The following INSL3 variants were observed in gnomAD, a reference collection of about 807,000 sequenced individuals.
INSL3 encodes the protein insulin-like 3.
A neutral mutation model predicts 5.5 loss-of-function variants in INSL3; 6 were observed. The observed-to-expected ratio is 1.08, with a 90% CI of 0.59 to 2.14. The LOEUF (loss-of-function observed/expected upper bound fraction) is 2.14. Ranked by LOEUF, INSL3 falls within the 30% of genes most tolerant of loss-of-function variation. INSL3 has a pLI of 0.00. For missense variants in INSL3, 178 were observed against 184.7 expected, an observed-to-expected ratio of 0.96 and a Z score of 0.21; for synonymous variants, 86 against 82.1, an observed-to-expected ratio of 1.05 and a Z score of -0.26.
chr19:17,816,800 C>G lies in INSL3; in HGVS notation c.*54G>C, dbSNP rs560485432. ...GGTGCTGTGTGGCCTCAGGAGCTCA[C>G]CAGACCAGACCCTCTGGGCCTCAGG... is the stretch of plus-strand genomic sequence containing the variant. On this transcript the variant is annotated 3_prime_UTR_variant, in exon 2 of 2. Transcript: ENST00000317306. The G allele has an allele frequency of 6.4e-7, 1 of 1,572,326 alleles. No homozygotes were observed. The highest frequency in any genetic ancestry group is 1.3e-5 in the African/African-American group (1 of 74,186).
intron 1 of INSL3, among the ~76,000 whole-genome samples, 182 bp from the exon 2 acceptor site, chr19:17,817,241 G>A (rs1196881881): frequency 6.6e-6 from 1 of 151,936 alleles, no homozygotes; most frequent in Admixed American, 6.6e-5. Flanking sequence ...ACTTTGGGAG[G>A]CCGAGGTGGG....
intron 1 of INSL3, among the ~76,000 whole-genome samples, chr19:17,818,570 C>T (rs1219926328): frequency 7.2e-5 from 11 of 151,764 alleles, no homozygotes; most frequent in East Asian, 1.9e-4. Context: ...GACCCGAGAT[C>T]GTGCCACTGC....
Position 17,821,334 on chromosome 19 carries a change from G to C in INSL3, c.173C>G (p.Pro58Arg). The C allele has an allele frequency of 6.5e-7, 1 of 1,548,358 alleles. No individual in the cohort carries two copies. The highest frequency in any genetic ancestry group is 8.7e-7 in the Non-Finnish European group (1 of 1,146,748). The change falls in exon 1 of 2, where the codon CCT becomes CGT. Residue 58 changes from proline (P) to arginine (R), a missense_variant. Pro to Arg is a moderately radical substitution (Grantham distance 103). Coordinates refer to ENST00000317306, the MANE Select transcript of INSL3 (RefSeq NM_005543.4). ...CCACTCACGGTCGCCTCCGGTCGCA[G>C]GCCTCCTGGCTTCGGTGGACCAGCG... The part of the protein sequence containing the change: ...GPRWSTEARR[P>R]ATGGDRELLQ...
At chr19:17,818,556 C>T (rs879349072) in intron 1 of INSL3, among the ~76,000 whole-genome samples, 1 of 151,888 alleles carries the variant, frequency 6.6e-6, no homozygotes, top group Non-Finnish European at 1.5e-5. Context: ...GGCAAGGCTG[C>T]AGTGACCCGA....
chr19:17,821,395 A>C lies in INSL3; in HGVS notation c.112T>G (p.Phe38Val). The C allele has an allele frequency of 6.5e-7, 1 of 1,548,218 alleles. No individual in the cohort carries two copies. Among genetic ancestry groups the C allele is most frequent in the Non-Finnish European group, 8.7e-7 (1 of 1,145,682 alleles). ...CACACGCGCACTAGCGCGCGTACGA[A>C]GTGGTGGCCGCACAACTTCTCACGC... is the stretch of plus-strand genomic sequence containing the variant. ...EMREKLCGHHFVRALVRVCGG... is the reference protein window; with the variant it reads ...EMREKLCGHHVVRALVRVCGG... The change falls in exon 1 of 2, where the codon TTC (phenylalanine) becomes GTC (valine). Residue 38 changes from phenylalanine (F) to valine (V), a missense_variant. Phe to Val is a conservative substitution (Grantham distance 50, BLOSUM62 -1). Transcript: ENST00000317306.
intron 1 of INSL3, among the ~76,000 whole-genome samples, chr19:17,820,863 G>T (rs1042368780): frequency 6.7e-6 from 1 of 150,232 alleles, no homozygotes; most frequent in African/African-American, 2.5e-5. Context: ...GCCCAGGCTG[G>T]AGTGCAATGG....
chr19:17,818,117 C>T (rs904823320), intron 1 of INSL3, among the ~76,000 whole-genome samples: 3 of 152,066 alleles, frequency 2.0e-5, no homozygotes, highest in Admixed American at 6.6e-5. Context: ...TGGTCACCCA[C>T]GCATGTGTGG....
intron 1 of INSL3, chr19:17,820,493 A>T: frequency 3.5e-6 from 1 of 287,488 alleles, no homozygotes; most frequent in Non-Finnish European, 6.8e-6. Flanking sequence ...CTCCCTCTCT[A>T]CGAAAAAGAA....
intron 1 of INSL3, among the ~76,000 whole-genome samples, chr19:17,818,887 T>C (rs1416871516): frequency 6.6e-6 from 1 of 151,826 alleles, no homozygotes; most frequent in Non-Finnish European, 1.5e-5. Flanking sequence ...ATCAGCTTTT[T>C]TTTTTTGAGA....
At chr19:17,819,261 A>G (rs2094192141) in intron 1 of INSL3, among the ~76,000 whole-genome samples, 2 of 149,734 alleles carry the variant, frequency 1.3e-5, no homozygotes, top group African/African-American at 4.9e-5. Context: ...TAATAATAAT[A>G]TTAATATTTT....
At chr19:17,820,615 A>T (rs910380003) in intron 1 of INSL3, 1 of 170,130 alleles carries the variant, frequency 5.9e-6, no homozygotes, top group African/African-American at 2.4e-5. Context: ...CCGAGATCTC[A>T]CCACTGCACT....
chr19:17,818,418 C>G (rs1462525996), intron 1 of INSL3, among the ~76,000 whole-genome samples: 1 of 152,068 alleles, frequency 6.6e-6, no homozygotes, highest in African/African-American at 2.4e-5. Context: ...GAGTTCATGA[C>G]CAGCCTTGGC....
At chr19:17,820,501 G>GA (rs752922975) in intron 1 of INSL3, 140 of 266,376 alleles carry the variant, frequency 5.3e-4, no homozygotes, top group South Asian at 1.3e-3. Flanking sequence ...CTACGAAAAA[G>GA]AAAAAAAAAT....
At chr19:17,820,401 T>G (rs908846345) in intron 1 of INSL3, 6 of 407,778 alleles carry the variant, frequency 1.5e-5, no homozygotes, top group Admixed American at 1.2e-4. Flanking sequence ...CTCACATCGC[T>G]AATCCCAACA....
chr19:17,820,421 G>A (rs1599857826), intron 1 of INSL3: 1 of 382,558 alleles, frequency 2.6e-6, no homozygotes. Context: ...ACTTTGGAAG[G>A]TCAAGGTGGG....
At chr19:17,818,598 A>G (rs2094191238) in intron 1 of INSL3, among the ~76,000 whole-genome samples, 1 of 152,012 alleles carries the variant, frequency 6.6e-6, no homozygotes, top group South Asian at 2.1e-4. Flanking sequence ...CCTGAGTGAC[A>G]GAGCAAGACT....
At position 17,817,470 on chromosome 19, in the gene INSL3, G is replaced by A. The variant is rs550487664; in HGVS notation, c.191-411C>T. 2.5e-3 allele frequency among the ~76,000 whole-genome samples: 292 copies of A among 114,772 alleles called. 1 individual carries two copies. Among genetic ancestry groups the A allele is most frequent in the African/African-American group, 9.8e-3 (277 of 28,136 alleles). The allele number at this position is 114,772 out of a possible 152,430, so 75.3% of individuals were successfully genotyped here. ...ACTGCACTCCAGCCTGGGTGACAGA[G>A]TGAGACTCTGTCTCAAAAAAAAAAA... On this transcript the variant is annotated intron_variant, in intron 1 of 1. Coordinates refer to ENST00000317306, the MANE Select transcript of INSL3 (RefSeq NM_005543.4).
chr19:17,821,371 A>C lies in INSL3; in HGVS notation c.136T>G (p.Cys46Gly), dbSNP rs2094195445. Residue 46 changes from cysteine (C) to glycine (G), a missense_variant, in exon 1 of 2, where the codon TGC (cysteine) becomes GGC (glycine). Coordinates refer to ENST00000317306, the MANE Select transcript of INSL3 (RefSeq NM_005543.4). ...HHFVRALVRV[C>G]GGPRWSTEAR... The stretch of plus-strand genomic sequence containing the variant: ...TCGGTGGACCAGCGGGGGCCCCCGC[A>C]CACGCGCACTAGCGCGCGTACGAAG... The C allele has an allele frequency of 2.6e-6, 4 of 1,548,620 alleles. No individual in the cohort carries two copies.
At chr19:17,821,217 A>G (rs1199972235) in intron 1 of INSL3, 100 bp downstream of exon 1, 3 of 1,378,688 alleles carry the variant, frequency 2.2e-6, no homozygotes, top group Non-Finnish European at 3.0e-6. Flanking sequence ...GGGCACATGC[A>G]TGCAAACCTG....
Sources: gnomAD v4.1 joint callset for allele counts (sites outside exome capture counted in the v4.1 genomes callset) on GRCh38, gnomAD v4.1.1 for gene constraint, MANE v1.5 for transcripts, NCBI Gene and HGNC (gene_info 2026-07-23, HGNC 2026-07-21) for gene names.